TAFA2: variants seen among roughly 807,000 people sequenced by gnomAD.
TAFA2 encodes the protein TAFA chemokine like family member 2, also known as chemokine-like protein TAFA-2.
A neutral mutation model predicts 18.8 loss-of-function variants in TAFA2; 7 were observed. That is an observed-to-expected ratio of 0.37 (90% confidence interval 0.21 to 0.70). The LOEUF (loss-of-function observed/expected upper bound fraction) is 0.70. TAFA2 is among the 30% of genes least tolerant of loss of function. The probability of loss-of-function intolerance (pLI) is 0.53; values close to 1 mark genes in which losing one functional copy is unlikely to be tolerated. For missense variants in TAFA2, 122 were observed against 158.1 expected (o/e 0.77, Z 1.23); for synonymous variants, 60 against 54.2 (o/e 1.11, Z -0.47).
intron 2 of TAFA2, among the ~76,000 whole-genome samples, chr12:61,837,718 G>A (rs550704941): frequency 3.0e-4 from 46 of 152,060 alleles, no homozygotes; most frequent in African/African-American, 7.2e-4. Flanking sequence ...TAGCTGCTGC[G>A]TTCCTGAAAC....
At chr12:62,226,284 C>T (rs543439133) in intron 1 of TAFA2, among the ~76,000 whole-genome samples, 2 of 152,036 alleles carry the variant, frequency 1.3e-5, no homozygotes, top group South Asian at 4.2e-4. Context: ...AGCTCCACCT[C>T]CTGGGTTCAC....
At chr12:62,005,786 A>T (rs1335788702) in intron 1 of TAFA2, among the ~76,000 whole-genome samples, 2 of 152,142 alleles carry the variant, frequency 1.3e-5, no homozygotes, top group East Asian at 3.8e-4. Context: ...AGTGAGGTGT[A>T]GACAGTTCAT....
intron 2 of TAFA2, among the ~76,000 whole-genome samples, chr12:61,758,109 C>A (rs137999927): frequency 6.6e-6 from 1 of 152,014 alleles, no homozygotes; most frequent in East Asian, 1.9e-4. Context: ...ATTTCTATTG[C>A]TGTTAACATT....
intron 1 of TAFA2, among the ~76,000 whole-genome samples, chr12:62,071,116 C>T (rs533438342): frequency 6.6e-6 from 1 of 152,290 alleles, no homozygotes; most frequent in South Asian, 2.1e-4. Context: ...TGAAGAGAAT[C>T]TGTGGAGTTC....
At chr12:62,160,555 G>A (rs955870651) in intron 1 of TAFA2, among the ~76,000 whole-genome samples, 13 of 152,204 alleles carry the variant, frequency 8.5e-5, no homozygotes, top group Non-Finnish European at 1.2e-4. Context: ...GTTGCTAAAT[G>A]TGAAGGAGTT....
intron 1 of TAFA2, among the ~76,000 whole-genome samples, chr12:62,187,223 A>G (rs2062592067): frequency 1.3e-5 from 2 of 152,086 alleles, no homozygotes; most frequent in Admixed American, 6.5e-5. Flanking sequence ...TGAGGACAAA[A>G]ATGATTTTTT....
At chr12:62,212,879 T>C (rs2062719916) in intron 1 of TAFA2, among the ~76,000 whole-genome samples, 1 of 152,164 alleles carries the variant, frequency 6.6e-6, no homozygotes, top group Non-Finnish European at 1.5e-5. Flanking sequence ...CCAAAAGATA[T>C]AAATGTTAAG....
chr12:61,842,556 A>C (rs557732188), intron 2 of TAFA2, among the ~76,000 whole-genome samples: 1 of 152,190 alleles, frequency 6.6e-6, no homozygotes, highest in South Asian at 2.1e-4. Flanking sequence ...CCCATTTAAA[A>C]GATTCTCATG....
At chr12:62,014,219 C>A (rs1880855819) in intron 1 of TAFA2, among the ~76,000 whole-genome samples, 1 of 152,172 alleles carries the variant, frequency 6.6e-6, no homozygotes, top group African/African-American at 2.4e-5. Context: ...GTAAATTTAA[C>A]ACATTAGTGG....
chr12:61,906,014 G>C (rs1876333380), intron 1 of TAFA2, among the ~76,000 whole-genome samples: 1 of 152,116 alleles, frequency 6.6e-6, no homozygotes, highest in African/African-American at 2.4e-5. Context: ...AACAAAGAAA[G>C]TATACTAATT....
chr12:61,721,990 C>T (rs1012262918), intron 4 of TAFA2, among the ~76,000 whole-genome samples: 4 of 151,910 alleles, frequency 2.6e-5, no homozygotes, highest in African/African-American at 9.7e-5. Context: ...ACTCCCTTTT[C>T]CAAAGTACTC....
intron 1 of TAFA2, among the ~76,000 whole-genome samples, chr12:61,871,776 T>G (rs922049209): frequency 3.3e-5 from 5 of 152,174 alleles, no homozygotes; most frequent in African/African-American, 1.2e-4. Context: ...TTTGAAACGC[T>G]TCTCATCCCA....
chr12:61,933,819 A>G (rs1452646654), intron 1 of TAFA2, among the ~76,000 whole-genome samples: 1 of 152,250 alleles, frequency 6.6e-6, no homozygotes. Context: ...GCATTGTGCT[A>G]AGCACATAGA....
At chr12:62,136,763 C>A (rs961682943) in intron 1 of TAFA2, among the ~76,000 whole-genome samples, 1 of 152,130 alleles carries the variant, frequency 6.6e-6, no homozygotes, top group Non-Finnish European at 1.5e-5. Flanking sequence ...GCAACAATTT[C>A]TCTCGCATGC....
intron 1 of TAFA2, among the ~76,000 whole-genome samples, chr12:62,130,839 A>G (rs1870653102): frequency 6.6e-6 from 1 of 152,014 alleles, no homozygotes; most frequent in Admixed American, 6.6e-5. Flanking sequence ...GAAAGGGAGA[A>G]GAGAGGAGAG....
At position 61,753,652 on chromosome 12, in the gene TAFA2, A is replaced by T; in HGVS notation, c.354T>A (p.Cys118Ter). The change falls in exon 4 of 5, where the codon TGT (cysteine) becomes TGA (stop). Residue 118 changes from cysteine (C) to a stop codon, truncating the protein, a stop_gained. Coordinates refer to ENST00000416284, the MANE Select transcript of TAFA2 (RefSeq NM_178539.5). LOFTEE classifies it high-confidence loss of function. ...TTGTTTTGACTTTATTCCCAGAGGA[A>T]CAGCTCCATCCTTTCCGATCCGGAA... ...KVLPDRKGWS[C>*]SSGNKVKTTR... The T allele has an allele frequency of 6.2e-7, 1 of 1,612,370 alleles. No individual in the cohort carries two copies. The highest frequency in any genetic ancestry group is 1.7e-5 in the Admixed American group (1 of 59,860).
At chr12:61,902,398 T>G (rs945887960) in intron 1 of TAFA2, among the ~76,000 whole-genome samples, 1 of 152,210 alleles carries the variant, frequency 6.6e-6, no homozygotes, top group Non-Finnish European at 1.5e-5. Flanking sequence ...AACTATCTCC[T>G]GTGCTAGAGT....
intron 1 of TAFA2, among the ~76,000 whole-genome samples, chr12:62,154,197 G>T (rs1285771938): frequency 3.3e-5 from 5 of 152,124 alleles, no homozygotes; most frequent in African/African-American, 1.2e-4. Context: ...AATGATTTAA[G>T]GCTGCCAAGG....
At chr12:61,863,594 C>T (rs1482553032) in intron 2 of TAFA2, among the ~76,000 whole-genome samples, 1 of 152,162 alleles carries the variant, frequency 6.6e-6, no homozygotes, top group African/African-American at 2.4e-5. Flanking sequence ...GAAATTCTGA[C>T]CAACCAAAAT....
Sources: gnomAD v4.1 joint callset for allele counts (sites outside exome capture counted in the v4.1 genomes callset) on GRCh38, gnomAD v4.1.1 for gene constraint, MANE v1.5 for transcripts, NCBI Gene and HGNC (gene_info 2026-07-23, HGNC 2026-07-21) for gene names.